The following OSBPL6 variants were observed in gnomAD, a reference collection of about 807,000 sequenced individuals.
The protein encoded by OSBPL6 is oxysterol binding protein like 6.
OSBPL6 carries 49 observed loss-of-function variants against 125.8 expected under a neutral mutation model. The ratio of observed to expected loss-of-function variants is 0.39; its 90% CI spans 0.31 to 0.49. The LOEUF is 0.49. Ranked by LOEUF, OSBPL6 falls within the 20% of genes least tolerant of loss-of-function variation. The pLI is 0.88. For synonymous variants in OSBPL6, 394 were observed against 391.8 expected, an observed-to-expected ratio of 1.01 and a Z score of -0.07; for missense variants, 986 against 1,135.4, an observed-to-expected ratio of 0.87 and a Z score of 1.89.
At chr2:178,295,616 A>G (rs1670550300) in intron 2 of OSBPL6, among the ~76,000 whole-genome samples, 1 of 152,160 alleles carries the variant, frequency 6.6e-6, no homozygotes, top group Non-Finnish European at 1.5e-5. Context: ...TCCTTGGGTT[A>G]CTGAATCTGG....
At chr2:178,194,847 C>G (rs1424229144) in intron 1 of OSBPL6, among the ~76,000 whole-genome samples, 173 bp downstream of exon 1, 3 of 152,164 alleles carry the variant, frequency 2.0e-5, no homozygotes, top group South Asian at 2.1e-4. Flanking sequence ...CGCCCCCGGC[C>G]GATAGCCCGG....
intron 1 of OSBPL6, among the ~76,000 whole-genome samples, chr2:178,239,592 T>TTTTATTTATTTATTTA: frequency 7.2e-6 from 1 of 138,712 alleles, no homozygotes; most frequent in Non-Finnish European, 1.5e-5. Context: ...ATGAACTTTA[T>TTTTATTTATTTATTTA]TTTATTTATT....
intron 1 of OSBPL6, among the ~76,000 whole-genome samples, chr2:178,238,414 G>A (rs943103414): frequency 5.3e-5 from 8 of 152,016 alleles, no homozygotes; most frequent in African/African-American, 1.9e-4. Context: ...CTTATTTTAC[G>A]TAATAATGGC....
At chr2:178,295,196 T>C (rs1685637682) in intron 2 of OSBPL6, among the ~76,000 whole-genome samples, 1 of 152,162 alleles carries the variant, frequency 6.6e-6, no homozygotes, top group Admixed American at 6.6e-5. Flanking sequence ...ATTCAGAATG[T>C]CCTGTGTAAA....
chr2:178,321,734 A>G (rs1486816994), intron 3 of OSBPL6, among the ~76,000 whole-genome samples: 1 of 152,204 alleles, frequency 6.6e-6, no homozygotes, highest in Non-Finnish European at 1.5e-5. Flanking sequence ...TTTTTCAGTA[A>G]CAAATACATA....
At chr2:178,223,987 C>G (rs949374860) in intron 1 of OSBPL6, among the ~76,000 whole-genome samples, 1 of 152,224 alleles carries the variant, frequency 6.6e-6, no homozygotes, top group Non-Finnish European at 1.5e-5. Context: ...GATTGGTTGC[C>G]TGGGCAACCT....
chr2:178,294,731 T>C lies in OSBPL6; in HGVS notation c.-156+9610T>C, dbSNP rs539034074. Among the ~76,000 whole-genome samples the C allele has an allele frequency of 3.2e-3, 478 of 151,404 alleles. 2 individuals carry two copies. The highest frequency in any genetic ancestry group is 7.4e-3 in the Admixed American group (112 of 15,202). On this transcript the variant is annotated intron_variant, in intron 2 of 24. Coordinates refer to ENST00000190611, the MANE Select transcript of OSBPL6 (RefSeq NM_032523.4). ...CACCACAGCTATTTTTTTTTTTTTT[T>C]GGAACATTTCTGGATTTTTAAAAAT...
At chr2:178,358,098 G>A (rs897478627) in intron 12 of OSBPL6, among the ~76,000 whole-genome samples, 1 of 152,140 alleles carries the variant, frequency 6.6e-6, no homozygotes, top group African/African-American at 2.4e-5. Flanking sequence ...GAGGGGCTGG[G>A]GGAGGGATAG....
chr2:178,361,958 G>A, intron 13 of OSBPL6, 143 bp downstream of exon 13: 1 of 1,026,290 alleles, frequency 9.7e-7, no homozygotes, highest in Non-Finnish European at 1.4e-6. Context: ...AGACTGCAGT[G>A]TCAGTATTAG....
At chr2:178,281,321 C>T (rs72947475) in intron 1 of OSBPL6, among the ~76,000 whole-genome samples, 9 of 152,082 alleles carry the variant, frequency 5.9e-5, no homozygotes, top group South Asian at 2.1e-4. Context: ...CCGCTTTTGA[C>T]GTTTTCCTCA....
chr2:178,285,941 T>A (rs756881973), intron 2 of OSBPL6, among the ~76,000 whole-genome samples: 7 of 152,234 alleles, frequency 4.6e-5, no homozygotes, highest in Non-Finnish European at 7.3e-5. Flanking sequence ...CTGATGCCAT[T>A]CCCGCCCTTT....
Position 178,222,440 on chromosome 2 carries a change from C to T in OSBPL6, c.-351+27766C>T, listed in dbSNP as rs111451510. ...CGGGCGGATCACGAGGTCAGGAGAT[C>T]GAGACCATCCTGCTAACACGGTGAA... On this transcript the variant is annotated intron_variant, in intron 1 of 24. Transcript: ENST00000190611. Among the ~76,000 whole-genome samples the T allele has an allele frequency of 7.9e-5, 12 of 152,222 alleles. 1 individual carries two copies. Among genetic ancestry groups the T allele is most frequent in the African/African-American group, 2.4e-4 (10 of 41,542 alleles).
rs976087867 is a variant in OSBPL6, at chr2:178,383,907, C to A, written c.1876-132C>A. ...TGAGTTGATAAAAATTCTGTACAGA[C>A]AATAGAAAATGCAACTGTCATCAAA... On this transcript the variant is annotated intron_variant, in intron 17 of 24. Transcript: ENST00000190611. 2.0e-5 allele frequency: 22 copies of A among 1,088,916 alleles called. No individual in the cohort carries two copies. In the Admixed American group the frequency reaches 3.0e-4, roughly 15 times the overall value. 67.5% of individuals were successfully genotyped at this position (1,088,916 alleles called of 1,614,324 possible). A position where few individuals can be genotyped will look rare whatever the true frequency, so the allele number is the denominator to read the frequency against.
At position 178,400,747 on chromosome 2, in the gene OSBPL6, A is replaced by C. The variant is rs1252048375; in HGVS notation, c.*5188A>C. On this transcript the variant is annotated 3_prime_UTR_variant, in exon 25 of 25. Coordinates refer to ENST00000190611, the MANE Select transcript of OSBPL6 (RefSeq NM_032523.4). ...CAAAAGTTTCCCCTGCCCCTTTGTA[A>C]TCCTTCCCCATCCTCTATCCTGAGG... 1.3e-5 allele frequency: 2 copies of C among 152,318 alleles called. No individual in the cohort carries two copies. Among genetic ancestry groups the C allele is most frequent in the East Asian group, 3.9e-4 (2 of 5,174 alleles). The allele number at this position is 152,318 out of a possible 1,614,324, so 9.4% of individuals were successfully genotyped here.
chr2:178,331,716 C>G, intron 6 of OSBPL6, 111 bp downstream of exon 6: 1 of 1,146,686 alleles, frequency 8.7e-7, no homozygotes, highest in Middle Eastern at 2.0e-4. Flanking sequence ...TTGTGCATGT[C>G]TGGGCCTGTA....
intron 23 of OSBPL6, among the ~76,000 whole-genome samples, 155 bp from the exon 24 acceptor site, chr2:178,394,158 C>T (rs867852865): frequency 4.6e-5 from 7 of 152,282 alleles, no homozygotes; most frequent in Non-Finnish European, 7.4e-5. Context: ...GAGATCACAC[C>T]ACTGCACTCC....
chr2:178,302,307 G>A (rs1429152171), intron 2 of OSBPL6, among the ~76,000 whole-genome samples: 1 of 152,140 alleles, frequency 6.6e-6, no homozygotes, highest in African/African-American at 2.4e-5. Context: ...ATTGAGTATA[G>A]TAATTATGTT....
At chr2:178,234,041 T>A (rs2090948301) in intron 1 of OSBPL6, among the ~76,000 whole-genome samples, 1 of 152,178 alleles carries the variant, frequency 6.6e-6, no homozygotes, top group South Asian at 2.1e-4. Context: ...ACTAATCATA[T>A]AGTCTTAAAG....
chr2:178,258,134 T>G (rs566034901), intron 1 of OSBPL6, among the ~76,000 whole-genome samples: 4 of 150,986 alleles, frequency 2.6e-5, no homozygotes, highest in African/African-American at 9.8e-5. Context: ...GGAGTCTCAC[T>G]CTGTCACCCA....
Sources: allele counts gnomAD v4.1 joint callset (sites outside exome capture counted in the v4.1 genomes callset), GRCh38; gene constraint gnomAD v4.1.1; transcripts MANE v1.5; gene names NCBI Gene and HGNC (gene_info 2026-07-23, HGNC 2026-07-21).